The following DLG2 variants were observed in gnomAD, a reference collection of about 807,000 sequenced individuals.
DLG2 encodes the protein disks large homolog 2.
DLG2 carries 45 observed loss-of-function variants against 132.5 expected under a neutral mutation model. That is an observed-to-expected ratio of 0.34 (90% CI 0.27 to 0.44). The LOEUF (loss-of-function observed/expected upper bound fraction) is 0.44. Among genes scored for constraint, DLG2 ranks in the 20% least tolerant of loss-of-function variants. DLG2 has a pLI of 1.00. For missense variants in DLG2, 1,045 were observed against 1,196.9 expected (o/e 0.87, Z 1.87); for synonymous variants, 424 against 419.6 (o/e 1.01, Z -0.13).
At chr11:84,027,749 T>C (rs1435427280) in intron 11 of DLG2, among the ~76,000 whole-genome samples, 2 of 152,068 alleles carry the variant, frequency 1.3e-5, no homozygotes, top group African/African-American at 4.8e-5. Flanking sequence ...AAAAGTTGGA[T>C]ATCACTTAGT....
At chr11:84,469,961 T>C (rs147415761) in intron 7 of DLG2, among the ~76,000 whole-genome samples, 151 of 151,828 alleles carry the variant, frequency 9.9e-4, no homozygotes, top group African/African-American at 3.5e-3. Flanking sequence ...CTATGTAATA[T>C]AGCCTATTGT....
At chr11:84,391,535 T>C (rs1317518501) in intron 7 of DLG2, among the ~76,000 whole-genome samples, 1 of 152,138 alleles carries the variant, frequency 6.6e-6, no homozygotes, top group South Asian at 2.1e-4. Context: ...AAACAATCGA[T>C]ATTTTACCAT....
At chr11:84,661,018 GATTA>G (rs1030270587) in intron 6 of DLG2, among the ~76,000 whole-genome samples, 2 of 152,126 alleles carry the variant, frequency 1.3e-5, no homozygotes, top group African/African-American at 4.8e-5. Context: ...AAGCAGTGAT[GATTA>G]ATTAAAGTTA....
At chr11:84,249,811 C>T (rs1382691252) in intron 8 of DLG2, among the ~76,000 whole-genome samples, 1 of 152,170 alleles carries the variant, frequency 6.6e-6, no homozygotes, top group African/African-American at 2.4e-5. Flanking sequence ...GGTCTGGTCC[C>T]AAACTATTCT....
intron 6 of DLG2, among the ~76,000 whole-genome samples, chr11:84,678,666 C>T (rs993656847): frequency 1.3e-5 from 2 of 152,018 alleles, no homozygotes; most frequent in African/African-American, 4.8e-5. Context: ...TAGCTTCTAT[C>T]AACATCATCG....
At chr11:84,001,142 T>A (rs972052501) in intron 11 of DLG2, among the ~76,000 whole-genome samples, 1 of 151,982 alleles carries the variant, frequency 6.6e-6, no homozygotes, top group Non-Finnish European at 1.5e-5. Flanking sequence ...TTAAAAGATA[T>A]AGACTGGCTG....
At chr11:84,516,473 A>G (rs1396819474) in intron 7 of DLG2, among the ~76,000 whole-genome samples, 1 of 151,678 alleles carries the variant, frequency 6.6e-6, no homozygotes, top group Non-Finnish European at 1.5e-5. Context: ...CCTAGAAGGA[A>G]TGGATAAATT....
chr11:83,717,524 G>A (rs2153675724), intron 18 of DLG2, among the ~76,000 whole-genome samples: 1 of 152,174 alleles, frequency 6.6e-6, no homozygotes, highest in Middle Eastern at 3.4e-3. Context: ...GAGTAGAGAG[G>A]GGATAACAAA....
chr11:85,163,216 CACACACAG>C (rs376358245), intron 4 of DLG2, among the ~76,000 whole-genome samples: 1,752 of 149,114 alleles, frequency 0.012, 29 homozygotes, highest in African/African-American at 0.041. Flanking sequence ...TACACACACA[CACACACAG>C]ACACACACAC....
rs11824463 is a variant in DLG2 at position 83,728,568 on chromosome 11, A to C, written c.1825+58122T>G. ...TCCAGCATTTCTCACACTATCCTGC[A>C]ATGTTTTGGATCCTTGCTTGGCTGA... On this transcript the variant is annotated intron_variant, in intron 18 of 27. Coordinates refer to ENST00000376104, the MANE Select transcript of DLG2 (RefSeq NM_001142699.3). Among the ~76,000 whole-genome samples the C allele has an allele frequency of 5.8e-4, 88 of 152,320 alleles. 1 individual carries two copies. The highest frequency in any genetic ancestry group is 2.0e-3 in the African/African-American group (85 of 41,572).
chr11:84,992,995 AC>A (rs1328481917), intron 6 of DLG2, among the ~76,000 whole-genome samples: 4 of 152,230 alleles, frequency 2.6e-5, no homozygotes, highest in Non-Finnish European at 5.9e-5. Context: ...TTGCAGCACT[AC>A]ATACAATAGC....
intron 3 of DLG2, among the ~76,000 whole-genome samples, chr11:85,395,548 A>G (rs1207483801): frequency 6.6e-6 from 1 of 152,182 alleles, no homozygotes; most frequent in African/African-American, 2.4e-5. Context: ...GTACACTCTG[A>G]GCCAAATACT....
intron 6 of DLG2, among the ~76,000 whole-genome samples, chr11:85,104,512 T>C (rs2071379311): frequency 6.6e-6 from 1 of 151,900 alleles, no homozygotes; most frequent in East Asian, 1.9e-4. Flanking sequence ...GGCAAATCCA[T>C]AGAAACAGAA....
intron 18 of DLG2, among the ~76,000 whole-genome samples, chr11:83,731,270 A>G (rs558420390): frequency 4.6e-5 from 7 of 152,086 alleles, no homozygotes; most frequent in African/African-American, 1.4e-4. Context: ...TATTTGTCCT[A>G]ATGCTCTCCC....
intron 9 of DLG2, among the ~76,000 whole-genome samples, chr11:84,125,195 A>G (rs1203345394): frequency 6.6e-6 from 1 of 152,084 alleles, no homozygotes; most frequent in African/African-American, 2.4e-5. Flanking sequence ...CTGCCAGACA[A>G]GGCTCACGTG....
chr11:85,376,377 C>G (rs1030874612), intron 3 of DLG2, among the ~76,000 whole-genome samples: 2 of 152,122 alleles, frequency 1.3e-5, no homozygotes, highest in Non-Finnish European at 2.9e-5. Context: ...TCTCATAGGT[C>G]AAGAAACTGA....
chr11:84,007,657 T>C (rs2094638278), intron 11 of DLG2, among the ~76,000 whole-genome samples: 1 of 151,776 alleles, frequency 6.6e-6, no homozygotes, highest in South Asian at 2.1e-4. Context: ...AACAAGTCAC[T>C]TTTAATGGAT....
At chr11:85,375,652 C>T (rs996864865) in intron 3 of DLG2, among the ~76,000 whole-genome samples, 3 of 152,182 alleles carry the variant, frequency 2.0e-5, no homozygotes, top group Admixed American at 6.5e-5. Flanking sequence ...TACATACCCA[C>T]ACAGGTATTT....
At chr11:85,272,267 A>G (rs1327247794) in intron 4 of DLG2, among the ~76,000 whole-genome samples, 2 of 152,152 alleles carry the variant, frequency 1.3e-5, no homozygotes, top group African/African-American at 4.8e-5. Context: ...AGGCCTCCCA[A>G]GCCATGTGGA....
Sources: allele counts gnomAD v4.1 joint callset (sites outside exome capture counted in the v4.1 genomes callset), GRCh38; gene constraint gnomAD v4.1.1; transcripts MANE v1.5; gene names NCBI Gene and HGNC (gene_info 2026-07-23, HGNC 2026-07-21).